ME1: variants seen among roughly 807,000 people sequenced by gnomAD.
ME1 encodes the protein NADP-dependent malic enzyme.
Under a neutral mutation model 66.4 loss-of-function variants are expected in ME1, and 74 were observed. The ratio of observed to expected loss-of-function variants is 1.11; its 90% CI spans 0.92 to 1.35. ME1 has a LOEUF of 1.35. Ranked by LOEUF, ME1 falls within the 40% of genes most tolerant of loss-of-function variation. ME1 has a pLI of 0.00. For missense variants in ME1, 750 were observed against 694.1 expected, an observed-to-expected ratio of 1.08 and a Z score of -0.90; for synonymous variants, 251 against 235.6, an observed-to-expected ratio of 1.07 and a Z score of -0.60.
At chr6:83,242,075 C>T (rs1055847822) in intron 7 of ME1, among the ~76,000 whole-genome samples, 6 of 152,290 alleles carry the variant, frequency 3.9e-5, no homozygotes, top group African/African-American at 1.4e-4. Context: ...GTTGGCCAGA[C>T]TGGTCTCACA....
At chr6:83,273,902 G>T (rs1767129775) in intron 6 of ME1, among the ~76,000 whole-genome samples, 1 of 152,140 alleles carries the variant, frequency 6.6e-6, no homozygotes, top group South Asian at 2.1e-4. Context: ...TCATGTAAAA[G>T]TATCCTACTT....
intron 6 of ME1, among the ~76,000 whole-genome samples, chr6:83,280,522 AG>A (rs2128532834): frequency 6.6e-6 from 1 of 152,326 alleles, no homozygotes; most frequent in African/African-American, 2.4e-5. Context: ...AAACGAACTT[AG>A]GGTTAGTATT....
intron 4 of ME1, among the ~76,000 whole-genome samples, chr6:83,350,566 A>C (rs1768779875): frequency 6.6e-6 from 1 of 152,122 alleles, no homozygotes; most frequent in African/African-American, 2.4e-5. Flanking sequence ...CCTGAGCTCA[A>C]GTGATCCTCC....
At chr6:83,392,925 G>A (rs1029498391) in intron 3 of ME1, 14 of 813,634 alleles carry the variant, frequency 1.7e-5, no homozygotes, top group Admixed American at 3.4e-5. Flanking sequence ...CTTTGGTACC[G>A]TGGAAGGACT....
At chr6:83,381,028 T>C (rs1470444258) in intron 3 of ME1, among the ~76,000 whole-genome samples, 3 of 151,954 alleles carry the variant, frequency 2.0e-5, no homozygotes, top group Admixed American at 1.3e-4. Context: ...TGGAGAGAAA[T>C]ATCTGAGATA....
In ME1 at chr6:83,246,057, T is replaced by C. The variant is rs1790615468; in HGVS notation, c.815-6421A>G. Among the ~76,000 whole-genome samples the C allele has an allele frequency of 2.0e-5, 3 of 152,302 alleles. No homozygotes were observed. The South Asian group carries it at 6.2e-4, about 32-fold the overall frequency. On this transcript the variant is annotated intron_variant, in intron 7 of 13. Transcript: ENST00000369705. ...CTTGTCTGCTACGATCAGTTATGTCTAGTATTTTGTCAAATAAGTGGTGAC... is the reference window on the plus strand; with the variant it reads ...CTTGTCTGCTACGATCAGTTATGTCCAGTATTTTGTCAAATAAGTGGTGAC...
At chr6:83,315,180 G>A in intron 6 of ME1, 130 bp downstream of exon 6, 1 of 609,534 alleles carries the variant, frequency 1.6e-6, no homozygotes, top group Non-Finnish European at 2.9e-6. Context: ...TGAGGAAATA[G>A]ATAGGATATA....
chr6:83,297,573 T>A (rs1323026997), intron 6 of ME1, among the ~76,000 whole-genome samples: 1 of 147,362 alleles, frequency 6.8e-6, no homozygotes, highest in African/African-American at 2.6e-5. Context: ...CTTACGACCA[T>A]CTAATCTTCT....
Position 83,294,461 on chromosome 6 carries a change from T to C in ME1, c.704+20849A>G, listed in dbSNP as rs115141954. Among the ~76,000 whole-genome samples the C allele has an allele frequency of 3.5e-3, 535 of 152,104 alleles. 8 individuals are homozygous for C. The highest frequency in any genetic ancestry group is 0.012 in the African/African-American group (510 of 41,500). On this transcript the variant is annotated intron_variant, in intron 6 of 13. Transcript: ENST00000369705. Reference sequence around the variant, plus strand: ...AGTCACCATACAGAGAGGAGAATGGTCTTTCCTCCTGGTGAGCCCTCGATC... The same window carrying C: ...AGTCACCATACAGAGAGGAGAATGGCCTTTCCTCCTGGTGAGCCCTCGATC...
At chr6:83,224,975 G>A (rs919407539) in intron 11 of ME1, among the ~76,000 whole-genome samples, 2 of 151,654 alleles carry the variant, frequency 1.3e-5, no homozygotes, top group African/African-American at 2.4e-5. Flanking sequence ...GTCGAGGAGG[G>A]TGGATGACTT....
intron 5 of ME1, among the ~76,000 whole-genome samples, chr6:83,332,270 C>A (rs897241719): frequency 2.6e-5 from 4 of 152,020 alleles, no homozygotes; most frequent in Non-Finnish European, 4.4e-5. Flanking sequence ...ATGTTGGCAC[C>A]ATGTGGTGAA....
At chr6:83,343,167 A>G (rs1317762702) in intron 5 of ME1, among the ~76,000 whole-genome samples, 2 of 151,994 alleles carry the variant, frequency 1.3e-5, no homozygotes, top group Non-Finnish European at 2.9e-5. Flanking sequence ...CCCACCCTCT[A>G]TCCTGACATA....
At position 83,417,571 on chromosome 6, in the gene ME1, G is replaced by A. The variant is rs189874949; in HGVS notation, c.79-9670C>T. Among the ~76,000 whole-genome samples, 513 of 151,666 alleles carry A rather than the reference G, an allele frequency of 3.4e-3. 9 individuals carry two copies. The highest frequency in any genetic ancestry group is 0.01 in the Middle Eastern group (3 of 290). On this transcript the variant is annotated intron_variant, in intron 1 of 13. Coordinates refer to ENST00000369705, the MANE Select transcript of ME1 (RefSeq NM_002395.6). Reference sequence around the variant, plus strand: ...AATTTTTGTATTTTTAGTAGAGACGGGGTTTCACCATGTTGGCCAGGATGG... The same window carrying A: ...AATTTTTGTATTTTTAGTAGAGACGAGGTTTCACCATGTTGGCCAGGATGG...
At chr6:83,325,457 T>C (rs919209911) in intron 5 of ME1, among the ~76,000 whole-genome samples, 2 of 152,190 alleles carry the variant, frequency 1.3e-5, no homozygotes, top group African/African-American at 4.8e-5. Context: ...ATTGTATATT[T>C]AGAAAACCCC....
intron 3 of ME1, among the ~76,000 whole-genome samples, chr6:83,353,265 A>G (rs1768832892): frequency 6.6e-6 from 1 of 152,224 alleles, no homozygotes; most frequent in Non-Finnish European, 1.5e-5. Flanking sequence ...ATCAGAAGGC[A>G]CACCATATTT....
At chr6:83,227,560 C>T (rs550302932) in intron 10 of ME1, 83 bp from the exon 11 acceptor site, 1 of 1,160,318 alleles carries the variant, frequency 8.6e-7, no homozygotes, top group African/African-American at 1.5e-5. Context: ...TCAATGATAT[C>T]TATCAGCTCA....
chr6:83,303,203 AAGAG>A (rs970459995), intron 6 of ME1, among the ~76,000 whole-genome samples: 2 of 152,184 alleles, frequency 1.3e-5, no homozygotes, highest in African/African-American at 2.4e-5. Flanking sequence ...GTTTCAAAAA[AAGAG>A]AGAGTTGAGA....
intron 12 of ME1, 140 bp downstream of exon 12, chr6:83,223,620 A>T: frequency 4.2e-6 from 3 of 716,706 alleles, no homozygotes; most frequent in Non-Finnish European, 6.7e-6. Context: ...CCCACCCCTT[A>T]TACTCCACTG....
At chr6:83,383,257 T>TGGCA (rs1769443292) in intron 3 of ME1, among the ~76,000 whole-genome samples, 1 of 151,886 alleles carries the variant, frequency 6.6e-6, no homozygotes, top group Admixed American at 6.6e-5. Flanking sequence ...GCACTTACTA[T>TGGCA]CTGGTGATAC....
Sources: gnomAD v4.1 joint callset for allele counts (sites outside exome capture counted in the v4.1 genomes callset) on GRCh38, gnomAD v4.1.1 for gene constraint, MANE v1.5 for transcripts, NCBI Gene and HGNC (gene_info 2026-07-23, HGNC 2026-07-21) for gene names.